The following UBAP2L variants were observed in gnomAD, a reference collection of about 807,000 sequenced individuals.
UBAP2L encodes ubiquitin-associated protein 2-like.
UBAP2L carries 12 observed loss-of-function variants against 130.6 expected under a neutral mutation model. That is an observed-to-expected ratio of 0.09 (90% CI 0.06 to 0.15). The LOEUF (loss-of-function observed/expected upper bound fraction) is 0.15. UBAP2L is among the 10% of genes least tolerant of loss of function. The pLI is 1.00. For synonymous variants in UBAP2L, 503 were observed against 524.7 expected (o/e 0.96, Z 0.57); for missense variants, 965 against 1,332.5 (o/e 0.72, Z 4.29).
At chr1:154,263,336 C>T (rs1558228691) in intron 24 of UBAP2L, 1 of 1,424,010 alleles carries the variant, frequency 7.0e-7, no homozygotes. Context: ...TTTCCCTCTC[C>T]CCCATGTGTC....
At chr1:154,230,080 C>T (rs1669328787) in intron 4 of UBAP2L, among the ~76,000 whole-genome samples, 1 of 152,000 alleles carries the variant, frequency 6.6e-6, no homozygotes, top group Non-Finnish European at 1.5e-5. Flanking sequence ...CATCTCGGCT[C>T]ACTGCAAACT....
In UBAP2L at chr1:154,255,378, C is replaced by T. The variant is rs779729291; in HGVS notation, c.2084+52C>T. The T allele has an allele frequency of 3.1e-6, 5 of 1,589,924 alleles. No homozygotes were observed. The South Asian group carries it at 3.4e-5, about 11-fold the overall frequency. ...GGGTTGGTGAATAGCAATAACAGAG[C>T]TCTCTGGTCCTTATTACTCCCTTGA... On this transcript the variant is annotated intron_variant, in intron 17 of 26. Coordinates refer to ENST00000428931, the MANE Select transcript of UBAP2L (RefSeq NM_014847.4).
At chr1:154,235,151 GT>G (rs201031131) in intron 5 of UBAP2L, 44 bp from the exon 6 acceptor site, 4 of 712,304 alleles carry the variant, frequency 5.6e-6, no homozygotes, top group East Asian at 2.8e-5. Context: ...CTGTGGTTTG[GT>G]TTTTTTGTTG....
chr1:154,237,210 T>G, intron 8 of UBAP2L, 74 bp downstream of exon 8: 1 of 1,329,602 alleles, frequency 7.5e-7, no homozygotes, highest in African/African-American at 1.4e-5. Context: ...TATACTTACA[T>G]TAAAACGTGG....
At position 154,225,080 on chromosome 1, in the gene UBAP2L, T is replaced by A; in HGVS notation, c.-40-4T>A. ...AATACCTAATTTTCTTTTAAATCTT[T>A]CAGTATTCTACCTTGTAAATACTGT... On this transcript the variant is annotated splice_region_variant and splice_polypyrimidine_tract_variant and intron_variant, in intron 1 of 26. Transcript: ENST00000428931. The A allele has an allele frequency of 6.3e-7, 1 of 1,595,624 alleles. No individual in the cohort carries two copies. Among genetic ancestry groups the A allele is most frequent in the Non-Finnish European group, 8.6e-7 (1 of 1,164,814 alleles).
chr1:154,270,668 CTTCT>C lies in UBAP2L; in HGVS notation c.*376_*379del, dbSNP rs981238043. 22 of 1,411,228 alleles carry C rather than the reference CTTCT, an allele frequency of 1.6e-5. No individual in the cohort carries two copies. The highest frequency in any genetic ancestry group is 2.9e-5 in the African/African-American group (2 of 69,042). 87.4% of individuals were successfully genotyped at this position (1,411,228 alleles called of 1,614,324 possible). A position where few individuals can be genotyped will look rare whatever the true frequency, so the allele number is the denominator to read the frequency against. On this transcript the variant is annotated 3_prime_UTR_variant, in exon 27 of 27. Coordinates refer to ENST00000428931, the MANE Select transcript of UBAP2L (RefSeq NM_014847.4). ...TATCAGCCCAACAGCCCTAAGTCTC[CTTCT>C]TTATTATTAGGAAAACAACAACAAC...
At chr1:154,254,519 C>T in intron 15 of UBAP2L, 1 of 476,182 alleles carries the variant, frequency 2.1e-6, no homozygotes, top group South Asian at 2.6e-5. Context: ...CTTACCCTTC[C>T]CCAAAAATCA....
chr1:154,267,865 A>G (rs1193632248), intron 25 of UBAP2L, among the ~76,000 whole-genome samples: 3 of 94,478 alleles, frequency 3.2e-5, no homozygotes, highest in South Asian at 3.1e-4. Flanking sequence ...TCCACATTCC[A>G]TCCTCTTATT....
chr1:154,260,204 T>G (rs1016942306), intron 22 of UBAP2L, among the ~76,000 whole-genome samples, 175 bp downstream of exon 22: 3 of 152,184 alleles, frequency 2.0e-5, no homozygotes, highest in Non-Finnish European at 4.4e-5. Context: ...GTTGTCTCCC[T>G]GTGATTTCTA....
At chr1:154,241,269 G>C (rs2148728250) in intron 8 of UBAP2L, among the ~76,000 whole-genome samples, 1 of 152,050 alleles carries the variant, frequency 6.6e-6, no homozygotes, top group East Asian at 1.9e-4. Flanking sequence ...TGTATTTTTA[G>C]TAGAGACAGG....
In UBAP2L at chr1:154,251,198, A is replaced by G. The variant is rs1329708100; in HGVS notation, c.1371A>G (p.Pro457=). The stretch of plus-strand genomic sequence containing the variant: ...CTCCACCTCCGTCTTCTCCTCTGCC[A>G]AGCAAATCCACATCGGCTCCACAGA... ...AAPPPPSSPL[P]SKSTSAPQMS... is the part of the protein sequence containing the mutation. The change falls in exon 13 of 27, where the codon CCA becomes CCG. Residue 457 remains proline (P), a synonymous_variant. Transcript: ENST00000428931. The G allele has an allele frequency of 1.2e-6, 2 of 1,614,172 alleles. No homozygotes were observed.
At chr1:154,227,496 A>T in intron 3 of UBAP2L, 137 bp downstream of exon 3, 1 of 696,610 alleles carries the variant, frequency 1.4e-6, no homozygotes, top group Non-Finnish European at 2.4e-6. Flanking sequence ...ATAATAGGTC[A>T]GGCCAATAAA....
At position 154,268,893 on chromosome 1, in the gene UBAP2L, T is replaced by C; in HGVS notation, c.3107T>C (p.Leu1036Pro). The change falls in exon 26 of 27, where the codon CTG becomes CCG. Residue 1036 changes from leucine to proline, a missense_variant. By Grantham distance (98) the Leu-to-Pro change is moderately conservative. This residue lies in a region of UBAP2L where 194 missense variants were observed against 334.0 expected (regional missense o/e 0.58). Coordinates refer to ENST00000428931, the MANE Select transcript of UBAP2L (RefSeq NM_014847.4). ...CCACCTGCCCCCTTTATGCACATTCTGACCCCCCATCAGCAGCCGCATTCT... is the reference window on the plus strand; with the variant it reads ...CCACCTGCCCCCTTTATGCACATTCCGACCCCCCATCAGCAGCCGCATTCT... ...AYPPAPFMHI[L>P]TPHQQPHSQI... 1 of 1,612,952 alleles carries C rather than the reference T, an allele frequency of 6.2e-7. No homozygotes were observed. Among genetic ancestry groups the C allele is most frequent in the Non-Finnish European group, 8.5e-7 (1 of 1,179,638 alleles).
intron 4 of UBAP2L, among the ~76,000 whole-genome samples, chr1:154,233,857 G>A (rs1258740768): frequency 2.0e-5 from 3 of 146,916 alleles, no homozygotes; most frequent in Non-Finnish European, 2.9e-5. Flanking sequence ...CACTGACTCC[G>A]AAGGAAATTA....
intron 6 of UBAP2L, 137 bp from the exon 7 acceptor site, chr1:154,236,429 A>G (rs1257482165): frequency 2.9e-5 from 25 of 848,492 alleles, no homozygotes; most frequent in Non-Finnish European, 4.3e-5. Flanking sequence ...GAACTTCTGG[A>G]TGCAACCAAT....
chr1:154,252,278 AT>A (rs1186353284), intron 14 of UBAP2L, among the ~76,000 whole-genome samples: 1,124 of 108,980 alleles, frequency 0.01, 14 homozygotes, highest in African/African-American at 0.025. Flanking sequence ...CCCAGCCCAG[AT>A]TTTTTTTTTT....
At chr1:154,240,426 CA>C (rs780107098) in intron 8 of UBAP2L, among the ~76,000 whole-genome samples, 2 of 152,194 alleles carry the variant, frequency 1.3e-5, no homozygotes, top group South Asian at 2.1e-4. Flanking sequence ...GTATTACCAA[CA>C]AACACAAGGA....
Position 154,270,557 on chromosome 1 carries a change from T to C in UBAP2L, c.*262T>C, listed in dbSNP as rs1205827267. ...TCTTGCATTCAAGATTATGAAACTT[T>C]GCTATGGGCCCTGCACTTCCTTTGC... On this transcript the variant is annotated 3_prime_UTR_variant, in exon 27 of 27. Transcript: ENST00000428931. The C allele has an allele frequency of 7.0e-7, 1 of 1,428,552 alleles. No homozygotes were observed. Among genetic ancestry groups the C allele is most frequent in the Non-Finnish European group, 9.1e-7 (1 of 1,095,284 alleles). The allele number at this position is 1,428,552 out of a possible 1,614,324, so 88.5% of individuals were successfully genotyped here.
chr1:154,234,518 A>C (rs978580818), intron 4 of UBAP2L, 73 bp from the exon 5 acceptor site: 1 of 1,530,030 alleles, frequency 6.5e-7, no homozygotes, highest in Non-Finnish European at 9.0e-7. Flanking sequence ...TCAATCAGTC[A>C]TCCCAGCTTT....
Sources: gnomAD v4.1 joint callset for allele counts (sites outside exome capture counted in the v4.1 genomes callset) on GRCh38, gnomAD v4.1.1 for gene constraint, gnomAD v4.1.1 regional missense constraint, MANE v1.5 for transcripts, NCBI Gene and HGNC (gene_info 2026-07-23, HGNC 2026-07-21) for gene names.